The following PYCR2 variants were observed in gnomAD, a reference collection of about 807,000 sequenced individuals.
The protein encoded by PYCR2 is pyrroline-5-carboxylate reductase 2.
Under a neutral mutation model 23.4 loss-of-function variants are expected in PYCR2, and 17 were observed. The observed-to-expected ratio is 0.73, with a 90% CI of 0.50 to 1.09. PYCR2 has a LOEUF of 1.09. Ranked by LOEUF, PYCR2 falls within the 50% of genes least tolerant of loss-of-function variation. The pLI is 0.00. For synonymous variants in PYCR2, 172 were observed against 176.6 expected, an observed-to-expected ratio of 0.97 and a Z score of 0.21; for missense variants, 380 against 423.5, an observed-to-expected ratio of 0.90 and a Z score of 0.90.
Position 225,921,907 on chromosome 1 carries a change from TC to T in PYCR2, c.490del (p.Glu164ArgfsTer30). ...SSVGFCTEVE[E>X]DLIDAVTGLS... ...CCCCGTGACGGCATCGATGAGGTCC[TC>T]TTCCACCTCAGTGCAGAAGCCCACG... On this transcript the variant is annotated frameshift_variant, in exon 4 of 7. Coordinates refer to ENST00000343818, the MANE Select transcript of PYCR2 (RefSeq NM_013328.4). LOFTEE classifies it high-confidence loss of function. The surrounding 1 kb of genome is among the most constrained non-coding windows in gnomAD (Gnocchi z 4.2). 6.2e-7 allele frequency: 1 copy of T among 1,613,768 alleles called. No individual in the cohort carries two copies. The highest frequency in any genetic ancestry group is 8.5e-7 in the Non-Finnish European group (1 of 1,180,032).
Position 225,921,782 on chromosome 1 carries a change from C to T in PYCR2, c.540+76G>A, listed in dbSNP as rs549550117. 2.3e-5 allele frequency: 37 copies of T among 1,597,416 alleles called. No homozygotes were observed. In the South Asian group the frequency reaches 4.0e-4, roughly 17 times the overall value. On this transcript the variant is annotated intron_variant, in intron 4 of 6. Coordinates refer to ENST00000343818, the MANE Select transcript of PYCR2 (RefSeq NM_013328.4). The surrounding 1 kb of genome is among the most constrained non-coding windows in gnomAD (Gnocchi z 4.2). Reference sequence around the variant, plus strand: ...TGTGCCCAAGAGGTGGGCGCCACCCCCAGTCCAAGCCTGCCTGCCAGCCCA... The same window carrying T: ...TGTGCCCAAGAGGTGGGCGCCACCCTCAGTCCAAGCCTGCCTGCCAGCCCA...
At position 225,921,213 on chromosome 1, in the gene PYCR2, T is replaced by C; in HGVS notation, c.792A>G (p.Arg264=). ...LINAVEASCI[R]TRELQSMADQ... ...AGTCCGCGGGATGGACTCACCGTGT[T>C]CGGATACAGGAGGCCTCAACTGCAT... Residue 264 remains arginine (R), a synonymous_variant, in exon 6 of 7, where the codon CGA becomes CGG. Transcript: ENST00000343818. This position sits in a 1 kb window ranked among gnomAD's most constrained non-coding sequence, Gnocchi z 4.2. 1 of 1,613,126 alleles carries C rather than the reference T, an allele frequency of 6.2e-7. No individual in the cohort carries two copies.
At chr1:225,923,056 G>A in intron 2 of PYCR2, 12 of 962,302 alleles carry the variant, frequency 1.2e-5, no homozygotes, top group Non-Finnish European at 1.5e-5. Context: ...AGTGGCCACT[G>A]TTGTAAATGA....
Position 225,921,267 on chromosome 1 carries a change from C to A in PYCR2, c.738G>T (p.Glu246Asp). 6.2e-7 allele frequency: 1 copy of A among 1,614,008 alleles called. No homozygotes were observed. Among genetic ancestry groups the A allele is most frequent in the Non-Finnish European group, 8.5e-7 (1 of 1,179,862 alleles). Reference sequence around the variant, plus strand: ...TGAGCAGAGAGCGGAAGCCCCCACTCTCTAGAAAGTGCAGGGCGTGGATGG... The same window carrying A: ...TGAGCAGAGAGCGGAAGCCCCCACTATCTAGAAAGTGCAGGGCGTGGATGG... ...GATIHALHFLESGGFRSLLIN... is the reference protein window; with the variant it reads ...GATIHALHFLDSGGFRSLLIN... The change falls in exon 6 of 7, where the codon GAG (glutamate) becomes GAT (aspartate). Residue 246 changes from glutamate to aspartate, a missense_variant. Transcript: ENST00000343818. This position sits in a 1 kb window ranked among gnomAD's most constrained non-coding sequence, Gnocchi z 4.2.
intron 2 of PYCR2, chr1:225,923,023 TTC>T (rs1559068324): frequency 2.0e-6 from 2 of 978,920 alleles, no homozygotes; most frequent in African/African-American, 3.5e-5. Flanking sequence ...AATATGCTCA[TTC>T]ACGACTCAGA....
intron 2 of PYCR2, chr1:225,923,386 T>C: frequency 9.5e-7 from 1 of 1,056,502 alleles, no homozygotes; most frequent in Non-Finnish European, 1.2e-6. Flanking sequence ...AGTAAGACCC[T>C]GTCTGAAAAA....
rs1671844214 is a variant in PYCR2 at position 225,921,672 on chromosome 1, C to T, written c.541-28G>A. ...GTGGAGACACTCACTAAGCCCCAGG[C>T]CATAGGCACTGAAGGGCCTTTCCTT... On this transcript the variant is annotated intron_variant, in intron 4 of 6. Coordinates refer to ENST00000343818, the MANE Select transcript of PYCR2 (RefSeq NM_013328.4). The surrounding 1 kb of genome is among the most constrained non-coding windows in gnomAD (Gnocchi z 4.2). The T allele has an allele frequency of 4.3e-6, 7 of 1,612,440 alleles. No individual in the cohort carries two copies. Among genetic ancestry groups the T allele is most frequent in the Non-Finnish European group, 5.1e-6 (6 of 1,178,544 alleles).
chr1:225,922,579 C>T (rs965961117), intron 2 of PYCR2, 196 bp from the exon 3 acceptor site: 63 of 595,560 alleles, frequency 1.1e-4, no homozygotes, highest in African/African-American at 9.6e-4. Context: ...TAAGCACAGG[C>T]TTGGAGCATG....
rs1450863987 is a variant in PYCR2 at position 225,921,847 on chromosome 1, G to A, written c.540+11C>T. On this transcript the variant is annotated intron_variant, in intron 4 of 6. Coordinates refer to ENST00000343818, the MANE Select transcript of PYCR2 (RefSeq NM_013328.4). The surrounding 1 kb of genome is among the most constrained non-coding windows in gnomAD (Gnocchi z 4.2). ...TTCCTAGAAGGCTGAGCGAGCAAAT[G>A]AGGGCCTCACATAGGCAGGCCCGCT... The A allele has an allele frequency of 6.2e-7, 1 of 1,612,788 alleles. No homozygotes were observed. The highest frequency in any genetic ancestry group is 2.2e-5 in the East Asian group (1 of 44,874).
At chr1:225,922,929 C>T (rs927932620) in intron 2 of PYCR2, 13 of 898,830 alleles carry the variant, frequency 1.4e-5, no homozygotes, top group Non-Finnish European at 1.7e-5. Flanking sequence ...CATCAGCCAT[C>T]CTCTCCCACA....
chr1:225,923,026 A>AAC (rs1429278081), intron 2 of PYCR2: 2 of 978,686 alleles, frequency 2.0e-6, no homozygotes, highest in African/African-American at 3.5e-5. Flanking sequence ...ATGCTCATTC[A>AAC]CGACTCAGAA....
chr1:225,923,638 T>G, intron 2 of PYCR2, 63 bp downstream of exon 2: 1 of 1,610,698 alleles, frequency 6.2e-7, no homozygotes, highest in Non-Finnish European at 8.5e-7. Context: ...CAGACTCACT[T>G]CATCTCAGGT....
chr1:225,921,075 T>C lies in PYCR2; in HGVS notation c.797+133A>G, dbSNP rs1299490912. 3.2e-6 allele frequency: 3 copies of C among 946,076 alleles called. No individual in the cohort carries two copies. In the East Asian group the frequency reaches 7.5e-5, roughly 24 times the overall value. 58.6% of individuals were successfully genotyped at this position (946,076 alleles called of 1,614,324 possible). A position where few individuals can be genotyped will look rare whatever the true frequency, so the allele number is the denominator to read the frequency against. On this transcript the variant is annotated intron_variant, in intron 6 of 6. Coordinates refer to ENST00000343818, the MANE Select transcript of PYCR2 (RefSeq NM_013328.4). This position sits in a 1 kb window ranked among gnomAD's most constrained non-coding sequence, Gnocchi z 4.2. The stretch of plus-strand genomic sequence containing the variant: ...TAAACAAAATCTACTAAGTTGTGGT[T>C]ATTAACAGAGCACAGACTCCAACAC...
Position 225,921,456 on chromosome 1 carries a change from C to A in PYCR2, c.634-85G>T, listed in dbSNP as rs767138589. ...ACCCACTGCTCCTGCCCAACTGCTA[C>A]CCCAGCTTCCCAACCAACTCCCACC... On this transcript the variant is annotated intron_variant, in intron 5 of 6. Coordinates refer to ENST00000343818, the MANE Select transcript of PYCR2 (RefSeq NM_013328.4). The surrounding 1 kb of genome is among the most constrained non-coding windows in gnomAD (Gnocchi z 4.2). The A allele has an allele frequency of 1.4e-4, 223 of 1,547,984 alleles. No individual in the cohort carries two copies. Among genetic ancestry groups the A allele is most frequent in the Non-Finnish European group, 1.8e-4 (204 of 1,125,918 alleles).
Position 225,920,550 on chromosome 1 carries a change from CTCTG to C in PYCR2, c.864_867del (p.Asp288GlufsTer2). On this transcript the variant is annotated frameshift_variant, in exon 7 of 7. Transcript: ENST00000343818. LOFTEE classifies it low-confidence loss of function (END_TRUNC). The stretch of plus-strand genomic sequence containing the variant: ...GAGACTGTGGGGGATTCCAGCTTCA[CTCTG>C]TCTAAGAGGGTCTTCTTAAGGGCAG... The C allele has an allele frequency of 1.2e-6, 2 of 1,602,072 alleles. No individual in the cohort carries two copies. The highest frequency in any genetic ancestry group is 1.7e-6 in the Non-Finnish European group (2 of 1,169,970).
intron 2 of PYCR2, chr1:225,922,928 T>A: frequency 1.1e-6 from 1 of 897,086 alleles, no homozygotes; most frequent in Non-Finnish European, 1.3e-6. Flanking sequence ...TCATCAGCCA[T>A]CCTCTCCCAC....
rs757697327 is a variant in PYCR2, at chr1:225,921,316, T to G, written c.689A>C (p.Asn230Thr). 2.5e-6 allele frequency: 4 copies of G among 1,581,792 alleles called. No homozygotes were observed. The East Asian group carries it at 8.9e-5, about 35-fold the overall frequency. ...SEQHPCQLKD[N>T]VCSPGGATIH... ...GGTGGCTCCCCCAGGGGAGCAGACA[T>G]TGTCCTTAAGCTGGCATGGATGCTG... The change falls in exon 6 of 7, where the codon AAT becomes ACT. Residue 230 changes from asparagine (N) to threonine (T), a missense_variant. Coordinates refer to ENST00000343818, the MANE Select transcript of PYCR2 (RefSeq NM_013328.4). This position sits in a 1 kb window ranked among gnomAD's most constrained non-coding sequence, Gnocchi z 4.2.
chr1:225,923,604 C>G (rs2102674154), intron 2 of PYCR2, 97 bp downstream of exon 2: 1 of 1,598,432 alleles, frequency 6.3e-7, no homozygotes, highest in Non-Finnish European at 8.5e-7. Flanking sequence ...GGCCAAAGAC[C>G]AGCACTTGGG....
Position 225,921,327 on chromosome 1 carries a change from C to T in PYCR2, c.678G>A (p.Gln226=). The T allele has an allele frequency of 6.4e-7, 1 of 1,570,076 alleles. No homozygotes were observed. Among genetic ancestry groups the T allele is most frequent in the Non-Finnish European group, 8.8e-7 (1 of 1,140,002 alleles). Residue 226 remains glutamine, a synonymous_variant, in exon 6 of 7, where the codon CAG becomes CAA. Transcript: ENST00000343818. This position sits in a 1 kb window ranked among gnomAD's most constrained non-coding sequence, Gnocchi z 4.2. ...CAGGGGAGCAGACATTGTCCTTAAG[C>T]TGGCATGGATGCTGCTCCGAGTCCA... is the stretch of plus-strand genomic sequence containing the variant. ...MLLDSEQHPC[Q]LKDNVCSPGG...
Sources: gnomAD v4.1 joint callset for allele counts on GRCh38, gnomAD v4.1.1 for gene constraint, Gnocchi (gnomAD v3.1) non-coding constraint, MANE v1.5 for transcripts, NCBI Gene and HGNC (gene_info 2026-07-23, HGNC 2026-07-21) for gene names.